Variants in CCDC3 observed in about 807,000 individuals in gnomAD.
The protein encoded by CCDC3 is coiled-coil domain containing 3, also known as coiled-coil domain-containing protein 3.
Under a neutral mutation model 21.4 loss-of-function variants are expected in CCDC3, and 24 were observed. That is an observed-to-expected ratio of 1.12 (90% confidence interval 0.81 to 1.58). CCDC3 has a LOEUF of 1.58. CCDC3 is among the 40% of genes most tolerant of loss of function. The probability of loss-of-function intolerance (pLI) is 0.00; values close to 1 mark genes in which losing one functional copy is unlikely to be tolerated. For synonymous variants in CCDC3, 186 were observed against 166.0 expected (o/e 1.12, Z -0.93); for missense variants, 425 against 360.9 (o/e 1.18, Z -1.44).
At chr10:13,001,786 G>T, upstream of CCDC3, 1 of 177,522 alleles carries the variant, frequency 5.6e-6, no homozygotes, top group Non-Finnish European at 1.1e-5. Context: ...CTCCCGCCCT[G>T]CCCCCTGCGG....
rs149333953 is a variant in CCDC3 at position 13,042,202 on chromosome 10, A to G, written c.-2+7472T>C. Among the ~76,000 whole-genome samples, 410 of 152,354 alleles carry G rather than the reference A, an allele frequency of 2.7e-3. 2 individuals are homozygous for G. Among genetic ancestry groups the G allele is most frequent in the African/African-American group, 9.5e-3 (394 of 41,590 alleles). The stretch of plus-strand genomic sequence containing the variant: ...CCTCTGAGCTCCAATTTCTTCACCT[A>G]TCACAGCAGGTAGCAGTGAGGAGAC... On this transcript the variant is annotated intron_variant, in intron 5 of 6. Coordinates refer to the CCDC3 transcript ENST00000378839.
chr10:12,989,407 TACTC>T (rs1431934522), intron 2 of CCDC3, among the ~76,000 whole-genome samples: 1 of 152,184 alleles, frequency 6.6e-6, no homozygotes, highest in East Asian at 1.9e-4. Context: ...ATTCATTCAT[TACTC>T]ACTCATTCAT....
chr10:12,943,370 G>A (rs549217930), intron 2 of CCDC3, among the ~76,000 whole-genome samples: 166 of 152,320 alleles, frequency 1.1e-3, no homozygotes, highest in African/African-American at 3.3e-3. Flanking sequence ...TGATGAGGTA[G>A]CTAAAAAGAA....
intron 2 of CCDC3, among the ~76,000 whole-genome samples, chr10:12,962,387 G>A (rs1248785592): frequency 3.3e-5 from 5 of 152,132 alleles, no homozygotes; most frequent in Admixed American, 6.5e-5. Flanking sequence ...GGCGGATCAC[G>A]AGGTCAAGAG....
intron 3 of CCDC3, among the ~76,000 whole-genome samples, chr10:13,096,604 G>A (rs1022878093): frequency 2.6e-5 from 4 of 152,176 alleles, no homozygotes; most frequent in African/African-American, 9.7e-5. Flanking sequence ...GGTACCCATT[G>A]AAGTAAGGGC....
In CCDC3 at chr10:12,951,495, G is replaced by A. The variant is rs12219526; in HGVS notation, c.549+46843C>T. ...ATCTGTAAATAAAGCAGGGTGGACA[G>A]GAAGTATCAGGCATCATTTATGCAG... is the stretch of plus-strand genomic sequence containing the variant. On this transcript the variant is annotated intron_variant, in intron 2 of 2. Transcript: ENST00000378825. Among the ~76,000 whole-genome samples, 29 of 152,292 alleles carry A rather than the reference G, an allele frequency of 1.9e-4. No individual in the cohort carries two copies. The East Asian group carries it at 5.6e-3, about 29-fold the overall frequency.
At chr10:12,946,273 C>T (rs1335837752) in intron 2 of CCDC3, among the ~76,000 whole-genome samples, 5 of 152,124 alleles carry the variant, frequency 3.3e-5, no homozygotes, top group East Asian at 1.9e-4. Context: ...TCTAAGGCTG[C>T]GTCAATGTCT....
chr10:13,059,597 T>C (rs1048501810), intron 4 of CCDC3, among the ~76,000 whole-genome samples: 2 of 152,106 alleles, frequency 1.3e-5, no homozygotes, highest in African/African-American at 4.8e-5. Context: ...AAATTCACAG[T>C]GTGGACTTGC....
At chr10:12,988,123 C>A (rs1835625837) in intron 2 of CCDC3, among the ~76,000 whole-genome samples, 1 of 152,200 alleles carries the variant, frequency 6.6e-6, no homozygotes, top group Non-Finnish European at 1.5e-5. Context: ...AGCCCATGCT[C>A]ACCTCTCCAA....
intron 4 of CCDC3, among the ~76,000 whole-genome samples, chr10:13,073,293 A>C (rs1275406308): frequency 6.6e-6 from 1 of 152,148 alleles, no homozygotes; most frequent in Non-Finnish European, 1.5e-5. Context: ...TCTCTTTGGA[A>C]TAGCTCAAGA....
At chr10:12,980,230 G>T (rs1451499660) in intron 2 of CCDC3, among the ~76,000 whole-genome samples, 1 of 152,202 alleles carries the variant, frequency 6.6e-6, no homozygotes, top group Non-Finnish European at 1.5e-5. Flanking sequence ...ACCCCTGGGG[G>T]AAGCATGGCT....
chr10:13,027,077 T>C (rs1467003894), intron 5 of CCDC3, among the ~76,000 whole-genome samples: 2 of 152,230 alleles, frequency 1.3e-5, no homozygotes, highest in African/African-American at 4.8e-5. Flanking sequence ...AAAGGACCTG[T>C]CAACCTTGCT....
chr10:13,031,339 T>C (rs930092712), intron 5 of CCDC3, among the ~76,000 whole-genome samples: 4 of 151,968 alleles, frequency 2.6e-5, no homozygotes, highest in African/African-American at 7.2e-5. Context: ...GGGACACATT[T>C]AAAGCAGTGT....
At chr10:13,047,916 G>A (rs1836549500) in intron 5 of CCDC3, among the ~76,000 whole-genome samples, 1 of 152,170 alleles carries the variant, frequency 6.6e-6, no homozygotes. Flanking sequence ...TTTCTCCAAA[G>A]ACGATTTTGA....
chr10:13,081,841 C>T (rs558776396), intron 3 of CCDC3, among the ~76,000 whole-genome samples: 3 of 152,330 alleles, frequency 2.0e-5, no homozygotes, highest in South Asian at 2.1e-4. Context: ...CGCTTGTGTG[C>T]GTGGTAGGCC....
At chr10:12,950,158 AC>A (rs2131247366) in intron 2 of CCDC3, among the ~76,000 whole-genome samples, 1 of 152,186 alleles carries the variant, frequency 6.6e-6, no homozygotes, top group Admixed American at 6.5e-5. Context: ...CCCAATCCAG[AC>A]CACATGGGTC....
intron 5 of CCDC3, among the ~76,000 whole-genome samples, chr10:13,039,290 G>C (rs984818448): frequency 1.3e-5 from 2 of 152,094 alleles, no homozygotes; most frequent in African/African-American, 4.8e-5. Flanking sequence ...GGGTGTGGTG[G>C]AGCACACCTG....
chr10:13,076,761 G>A (rs1006913134), intron 3 of CCDC3, among the ~76,000 whole-genome samples: 1 of 152,160 alleles, frequency 6.6e-6, no homozygotes, highest in African/African-American at 2.4e-5. Context: ...AAGTCCTTTA[G>A]TAAGCAACTT....
chr10:12,910,940 C>A (rs951414100), intron 2 of CCDC3, among the ~76,000 whole-genome samples: 3 of 152,176 alleles, frequency 2.0e-5, no homozygotes, highest in African/African-American at 7.2e-5. Flanking sequence ...ACAGAATCCT[C>A]CCCAGTGCAT....
Sources: gnomAD v4.1 joint callset for allele counts (sites outside exome capture counted in the v4.1 genomes callset) on GRCh38, gnomAD v4.1.1 for gene constraint, MANE v1.5 for transcripts, NCBI Gene and HGNC (gene_info 2026-07-23, HGNC 2026-07-21) for gene names.